Variants in FAM184B observed in about 807,000 individuals in gnomAD.
FAM184B encodes protein FAM184B.
FAM184B carries 111 observed loss-of-function variants against 135.9 expected under a neutral mutation model. The ratio of observed to expected loss-of-function variants is 0.82; its 90% CI spans 0.70 to 0.96. FAM184B has a LOEUF of 0.96. Ranked by LOEUF, FAM184B falls within the 40% of genes least tolerant of loss-of-function variation. The pLI is 0.00. For missense variants in FAM184B, 1,375 were observed against 1,323.9 expected (o/e 1.04, Z -0.60); for synonymous variants, 552 against 524.8 (o/e 1.05, Z -0.71).
intron 1 of FAM184B, among the ~76,000 whole-genome samples, chr4:17,774,635 A>G (rs1718885693): frequency 6.6e-6 from 1 of 152,228 alleles, no homozygotes; most frequent in Non-Finnish European, 1.5e-5. Flanking sequence ...CTGTCAGCAC[A>G]TTGGATGCTC....
At chr4:17,633,617 G>T in intron 17 of FAM184B, 72 bp downstream of exon 17, 1 of 1,325,558 alleles carries the variant, frequency 7.5e-7, no homozygotes, top group Non-Finnish European at 9.8e-7. Flanking sequence ...CCAGGTGCTA[G>T]AAAGAATCCT....
chr4:17,756,854 G>A (rs1413731729), intron 1 of FAM184B, among the ~76,000 whole-genome samples: 2 of 152,204 alleles, frequency 1.3e-5, no homozygotes, highest in African/African-American at 2.4e-5. Context: ...AACCTGGGAG[G>A]TGGAGGTTGC....
At position 17,709,298 on chromosome 4, in the gene FAM184B, TG is replaced by T. The variant is rs1297477026; in HGVS notation, c.487del (p.Gln163SerfsTer3). ...ELKADYERRL[Q>X]HLTSHEATPQ... ...GGTAGCCTCGTGGCTCGTCAGGTGC[TG>T]GAGCCTCCTCTCGTAGTCAGCCTTG... On this transcript the variant is annotated frameshift_variant, in exon 2 of 18. Transcript: ENST00000265018. LOFTEE classifies it high-confidence loss of function. The T allele has an allele frequency of 6.5e-6, 10 of 1,549,606 alleles. No individual in the cohort carries two copies. The highest frequency in any genetic ancestry group is 7.9e-6 in the Non-Finnish European group (9 of 1,146,098).
rs1715241278 is a variant in FAM184B at position 17,639,357 on chromosome 4, C to T, written c.2559G>A (p.Glu853=). The T allele has an allele frequency of 1.9e-6, 3 of 1,551,750 alleles. No individual in the cohort carries two copies. Among genetic ancestry groups the T allele is most frequent in the Middle Eastern group, 1.7e-4 (1 of 5,990 alleles). ...GGTGTTCCTGGCGCAGTGTCTCCAC[C>T]TCCCTGGCCCGCTGGGCTTGCTGAG... ...EETQQAQRAR[E]VETLRQEHRK... is the part of the protein sequence containing the mutation. Residue 853 remains glutamate, a synonymous_variant, in exon 14 of 18, where the codon GAG becomes GAA. Coordinates refer to ENST00000265018, the MANE Select transcript of FAM184B (RefSeq NM_015688.2).
rs545227201 is a variant in FAM184B at position 17,762,604 on chromosome 4, C to A, written c.141+18555G>T. Reference sequence around the variant, plus strand: ...TTGCATCACATTCGATCGACCAAAGCAAGTTGCAAAAAGAAGCCCATTATC... The same window carrying A: ...TTGCATCACATTCGATCGACCAAAGAAAGTTGCAAAAAGAAGCCCATTATC... On this transcript the variant is annotated intron_variant, in intron 1 of 17. Coordinates refer to ENST00000265018, the MANE Select transcript of FAM184B (RefSeq NM_015688.2). 2.6e-5 allele frequency among the ~76,000 whole-genome samples: 4 copies of A among 152,260 alleles called. No individual in the cohort carries two copies. In the East Asian group the frequency reaches 7.7e-4, roughly 29 times the overall value.
chr4:17,738,992 C>T (rs935432202), intron 1 of FAM184B, among the ~76,000 whole-genome samples: 7 of 152,200 alleles, frequency 4.6e-5, no homozygotes, highest in African/African-American at 1.7e-4. Flanking sequence ...GTCTTCCATC[C>T]AGCAGAATCA....
At chr4:17,719,648 C>T (rs565812616) in intron 1 of FAM184B, among the ~76,000 whole-genome samples, 1 of 152,220 alleles carries the variant, frequency 6.6e-6, no homozygotes, top group Non-Finnish European at 1.5e-5. Context: ...CAATACATAA[C>T]TGTGCTGTAA....
chr4:17,716,938 T>A (rs76554306), intron 1 of FAM184B, among the ~76,000 whole-genome samples: 6,064 of 152,186 alleles, frequency 0.04, 193 homozygotes, highest in Non-Finnish European at 0.059. Context: ...TCAGTCTGAG[T>A]AGCTGGGACT....
chr4:17,672,054 C>T (rs148793516), intron 7 of FAM184B, among the ~76,000 whole-genome samples: 4 of 152,006 alleles, frequency 2.6e-5, no homozygotes, highest in African/African-American at 9.7e-5. Flanking sequence ...ATCCAAGAAG[C>T]CCTAAATACA....
At chr4:17,775,626 C>T (rs537795795) in intron 1 of FAM184B, among the ~76,000 whole-genome samples, 107 of 152,302 alleles carry the variant, frequency 7.0e-4, no homozygotes, top group Middle Eastern at 3.4e-3. Context: ...AGCAATTTTT[C>T]TGGTCGGTAT....
At chr4:17,731,331 T>A (rs1189369614) in intron 1 of FAM184B, among the ~76,000 whole-genome samples, 5 of 152,076 alleles carry the variant, frequency 3.3e-5, no homozygotes, top group Non-Finnish European at 7.3e-5. Context: ...ATAACAATAT[T>A]AACTTTAAAT....
At chr4:17,680,971 G>A (rs149364550) in intron 7 of FAM184B, among the ~76,000 whole-genome samples, 4 of 152,146 alleles carry the variant, frequency 2.6e-5, no homozygotes, top group African/African-American at 4.8e-5. Flanking sequence ...ATAGAACACC[G>A]AACGTAATGG....
chr4:17,745,791 T>C (rs975732623), intron 1 of FAM184B, among the ~76,000 whole-genome samples: 1 of 152,214 alleles, frequency 6.6e-6, no homozygotes, highest in African/African-American at 2.4e-5. Flanking sequence ...GTCACTCGAC[T>C]GGATTTCTGG....
In FAM184B at chr4:17,639,298, C is replaced by G. The variant is rs1428708307; in HGVS notation, c.2618G>C (p.Ser873Thr). The G allele has an allele frequency of 6.4e-7, 1 of 1,551,750 alleles. No individual in the cohort carries two copies. Among genetic ancestry groups the G allele is most frequent in the South Asian group, 1.2e-5 (1 of 84,064 alleles). Reference protein sequence around the residue: ...KEMQAMVADFSSAQAQLQARL... With the variant: ...KEMQAMVADFTSAQAQLQARL... Reference sequence around the variant, plus strand: ...GGCCTGGAGCTGGGCCTGGGCACTACTGAAATCTGCCACCATGGCCTGCAT... The same window carrying G: ...GGCCTGGAGCTGGGCCTGGGCACTAGTGAAATCTGCCACCATGGCCTGCAT... Residue 873 changes from serine to threonine, a missense_variant, in exon 14 of 18, where the codon AGT (serine) becomes ACT (threonine). By Grantham distance (58) the Ser-to-Thr change is moderately conservative. Coordinates refer to ENST00000265018, the MANE Select transcript of FAM184B (RefSeq NM_015688.2).
chr4:17,639,819 A>G (rs1262396748), intron 13 of FAM184B, among the ~76,000 whole-genome samples: 1 of 149,748 alleles, frequency 6.7e-6, no homozygotes, highest in Non-Finnish European at 1.5e-5. Context: ...TGCAGTGGAA[A>G]GCCTCCCTGA....
intron 1 of FAM184B, among the ~76,000 whole-genome samples, chr4:17,765,002 C>T (rs1293516295): frequency 4.6e-5 from 7 of 152,114 alleles, no homozygotes; most frequent in Non-Finnish European, 1.5e-5. Flanking sequence ...GGAGGTCAAG[C>T]CTGCAGTGAG....
rs181182945 is a variant in FAM184B at position 17,765,955 on chromosome 4, C to T, written c.141+15204G>A. 3.7e-4 allele frequency among the ~76,000 whole-genome samples: 56 copies of T among 152,250 alleles called. No homozygotes were observed. The South Asian group carries it at 4.6e-3, about 12-fold the overall frequency. ...GCAGCACATCTAGAATTACTCCTTCCTTCTGTCCGGGGTTATTCATTCCCC... is the reference window on the plus strand; with the variant it reads ...GCAGCACATCTAGAATTACTCCTTCTTTCTGTCCGGGGTTATTCATTCCCC... On this transcript the variant is annotated intron_variant, in intron 1 of 17. Transcript: ENST00000265018.
intron 7 of FAM184B, among the ~76,000 whole-genome samples, chr4:17,670,840 A>G (rs1316285822): frequency 1.3e-5 from 2 of 152,302 alleles, no homozygotes; most frequent in African/African-American, 2.4e-5. Context: ...ACGTAATTCC[A>G]TATCACTGCA....
intron 1 of FAM184B, among the ~76,000 whole-genome samples, chr4:17,719,066 A>T (rs1242239386): frequency 6.6e-6 from 1 of 152,230 alleles, no homozygotes; most frequent in East Asian, 1.9e-4. Context: ...ACGTATGTAC[A>T]TATCTGTGAT....
Sources: allele counts gnomAD v4.1 joint callset (sites outside exome capture counted in the v4.1 genomes callset), GRCh38; gene constraint gnomAD v4.1.1; transcripts MANE v1.5; gene names NCBI Gene and HGNC (gene_info 2026-07-23, HGNC 2026-07-21).